SLC18A2: variants seen among roughly 807,000 people sequenced by gnomAD.
SLC18A2 encodes the protein solute carrier family 18 member A2.
A neutral mutation model predicts 59.2 loss-of-function variants in SLC18A2; 33 were observed. The ratio of observed to expected loss-of-function variants is 0.56; its 90% confidence interval spans 0.42 to 0.75. SLC18A2 has a LOEUF of 0.75. Among genes scored for constraint, SLC18A2 ranks in the 30% least tolerant of loss-of-function variants. The pLI is 0.00. For synonymous variants in SLC18A2, 228 were observed against 253.5 expected (o/e 0.90, Z 0.95); for missense variants, 569 against 668.6 (o/e 0.85, Z 1.64).
chr10:117,253,368 A>G, intron 3 of SLC18A2, 31 bp from the exon 4 acceptor site: 2 of 1,565,726 alleles, frequency 1.3e-6, no homozygotes, highest in South Asian at 1.1e-5. Flanking sequence ...GCCTGCAGTC[A>G]CCAGATTTGT....
Position 117,260,864 on chromosome 10 carries a change from T to G in SLC18A2, c.991+2972T>G, listed in dbSNP as rs564243799. The stretch of plus-strand genomic sequence containing the variant: ...GAAACAACTCTGTTAGAGCAGGGCG[T>G]CCTCAGAAAGCACATCTGGACTTTC... On this transcript the variant is annotated intron_variant, in intron 10 of 15. Coordinates refer to ENST00000644641, the MANE Select transcript of SLC18A2 (RefSeq NM_003054.6). Among the ~76,000 whole-genome samples the G allele has an allele frequency of 5.3e-5, 8 of 152,282 alleles. No individual in the cohort carries two copies. In the South Asian group the frequency reaches 1.7e-3, roughly 32 times the overall value.
At chr10:117,263,806 G>A (rs1367647636) in intron 10 of SLC18A2, among the ~76,000 whole-genome samples, 7 of 152,160 alleles carry the variant, frequency 4.6e-5, no homozygotes, top group African/African-American at 1.7e-4. Flanking sequence ...GGTTCTTCTA[G>A]CCCCTTTGTA....
intron 12 of SLC18A2, 133 bp from the exon 13 acceptor site, chr10:117,267,540 C>G (rs2133742377): frequency 1.7e-6 from 1 of 590,838 alleles, no homozygotes; most frequent in South Asian, 3.3e-5. Context: ...CAAACCCCAC[C>G]CTTCTTCCTC....
At chr10:117,252,720 G>A (rs999871269) in intron 3 of SLC18A2, among the ~76,000 whole-genome samples, 7 of 152,168 alleles carry the variant, frequency 4.6e-5, no homozygotes, top group African/African-American at 1.2e-4. Flanking sequence ...GGAGGTGGGC[G>A]GTGGTCTCTC....
Position 117,279,114 on chromosome 10 carries a change from TA to T in SLC18A2, c.*1851del, listed in dbSNP as rs770149063. 4 of 152,218 alleles carry T rather than the reference TA, an allele frequency of 2.6e-5. No individual in the cohort carries two copies. Among genetic ancestry groups the T allele is most frequent in the Non-Finnish European group, 4.4e-5 (3 of 68,028 alleles). 9.4% of individuals were successfully genotyped at this position (152,218 alleles called of 1,614,324 possible). A position where few individuals can be genotyped will look rare whatever the true frequency, so the allele number is the denominator to read the frequency against. ...TGGTCCCTCGGGATAAGATAAAATA[TA>T]AATAAAACCTTCAGAACTGTTTTGG... On this transcript the variant is annotated 3_prime_UTR_variant, in exon 16 of 16. Coordinates refer to ENST00000644641, the MANE Select transcript of SLC18A2 (RefSeq NM_003054.6).
intron 3 of SLC18A2, among the ~76,000 whole-genome samples, chr10:117,244,957 T>G (rs1479110582): frequency 2.6e-5 from 4 of 152,248 alleles, no homozygotes; most frequent in Non-Finnish European, 5.9e-5. Context: ...CCAAACTAGC[T>G]TCAGATGAAT....
chr10:117,252,626 A>G (rs1844177573), intron 3 of SLC18A2, among the ~76,000 whole-genome samples: 1 of 152,172 alleles, frequency 6.6e-6, no homozygotes, highest in Admixed American at 6.5e-5. Flanking sequence ...GAGGGAGGAG[A>G]TGACATTTCT....
rs1334623556 is a variant in SLC18A2, at chr10:117,277,408, G to A, written c.*142G>A. On this transcript the variant is annotated 3_prime_UTR_variant, in exon 16 of 16. Coordinates refer to ENST00000644641, the MANE Select transcript of SLC18A2 (RefSeq NM_003054.6). ...CAAAGGTTATTATTTCCTTTCCATGGTTATGGTCGATTGCCAACAGCCTTA... is the reference window on the plus strand; with the variant it reads ...CAAAGGTTATTATTTCCTTTCCATGATTATGGTCGATTGCCAACAGCCTTA... The A allele has an allele frequency of 2.0e-6, 1 of 496,150 alleles. No homozygotes were observed. Among genetic ancestry groups the A allele is most frequent in the Non-Finnish European group, 3.5e-6 (1 of 285,732 alleles). The allele number at this position is 496,150 out of a possible 1,614,324, so 30.7% of individuals were successfully genotyped here. A position where few individuals can be genotyped will look rare whatever the true frequency, so the allele number is the denominator to read the frequency against.
In SLC18A2 at chr10:117,277,168, C is replaced by T; in HGVS notation, c.1447C>T (p.Leu483Phe). ...GCACTTTGCTCTCTTTTAGGCTATT[C>T]TCATGGATCACAACTGCCCTATTAA... is the stretch of plus-strand genomic sequence containing the variant. Reference protein sequence around the residue: ...PPAKEEKMAILMDHNCPIKTK... With the variant: ...PPAKEEKMAIFMDHNCPIKTK... Residue 483 changes from leucine (L) to phenylalanine (F), a missense_variant, in exon 16 of 16, where the codon CTC (leucine) becomes TTC (phenylalanine). This residue lies in a region of SLC18A2 where 192 missense variants were observed against 278.8 expected (regional missense o/e 0.69). Transcript: ENST00000644641. 1 of 1,584,702 alleles carries T rather than the reference C, an allele frequency of 6.3e-7. No homozygotes were observed. Among genetic ancestry groups the T allele is most frequent in the Non-Finnish European group, 8.7e-7 (1 of 1,155,044 alleles).
intron 3 of SLC18A2, among the ~76,000 whole-genome samples, chr10:117,250,879 G>C (rs1844155798): frequency 6.6e-6 from 1 of 152,228 alleles, no homozygotes; most frequent in Non-Finnish European, 1.5e-5. Context: ...GCCCTGATGG[G>C]TTACCTGGAA....
chr10:117,253,932 G>A, intron 4 of SLC18A2, 116 bp from the exon 5 acceptor site: 1 of 873,488 alleles, frequency 1.1e-6, no homozygotes, highest in East Asian at 2.4e-5. Flanking sequence ...AAAAGCACAG[G>A]GTGGCTAACA....
chr10:117,276,479 TG>T (rs1844492524), intron 15 of SLC18A2, among the ~76,000 whole-genome samples: 1 of 150,830 alleles, frequency 6.6e-6, no homozygotes, highest in Non-Finnish European at 1.5e-5. Context: ...CTGCGAGTGG[TG>T]GTGCACACCT....
Position 117,276,630 on chromosome 10 carries a change from A to AAAAAAAAG in SLC18A2, c.1441-529_1441-528insAAAAGAAA, listed in dbSNP as rs1445853665. 4.3e-3 allele frequency among the ~76,000 whole-genome samples: 96 copies of AAAAAAAAG among 22,280 alleles called. 2 individuals carry two copies. Among genetic ancestry groups the AAAAAAAAG allele is most frequent in the African/African-American group, 9.4e-3 (87 of 9,296 alleles). The allele number at this position is 22,280 out of a possible 152,430, so 14.6% of individuals were successfully genotyped here. A position where few individuals can be genotyped will look rare whatever the true frequency, so the allele number is the denominator to read the frequency against. ...CTTCATCTCAAAAAAAAAAAAAAAA[A>AAAAAAAAG]AAAGAAAGAAAGAAAGAAAGAAAAA... On this transcript the variant is annotated intron_variant, in intron 15 of 15. Transcript: ENST00000644641.
intron 3 of SLC18A2, among the ~76,000 whole-genome samples, chr10:117,246,456 C>T (rs777521195): frequency 6.6e-6 from 1 of 152,210 alleles, no homozygotes; most frequent in Non-Finnish European, 1.5e-5. Flanking sequence ...GTAGCCACAC[C>T]AGGCTCATGT....
intron 3 of SLC18A2, among the ~76,000 whole-genome samples, chr10:117,246,247 A>G (rs1044674481): frequency 6.6e-6 from 1 of 152,274 alleles, no homozygotes; most frequent in Non-Finnish European, 1.5e-5. Flanking sequence ...GTGGAACGTT[A>G]CTAGCCGTAC....
At chr10:117,254,524 C>A in intron 6 of SLC18A2, 27 bp downstream of exon 6, 1 of 1,535,946 alleles carries the variant, frequency 6.5e-7, no homozygotes, top group Non-Finnish European at 8.8e-7. Flanking sequence ...TGTAGGCAAA[C>A]TGGCAAGAGG....
chr10:117,243,334 G>A (rs1589976578), intron 2 of SLC18A2, among the ~76,000 whole-genome samples: 2 of 152,176 alleles, frequency 1.3e-5, no homozygotes, highest in Non-Finnish European at 2.9e-5. Flanking sequence ...AATATTCCTT[G>A]AAGGAACAAT....
chr10:117,244,385 T>C (rs1844089102), intron 3 of SLC18A2, 72 bp downstream of exon 3: 3 of 1,352,834 alleles, frequency 2.2e-6, no homozygotes, highest in Non-Finnish European at 3.0e-6. Context: ...CCTGGAATTC[T>C]GCTTCTTACT....
At chr10:117,276,644 A>AAGAAAGACAGAC (rs148904668) in intron 15 of SLC18A2, among the ~76,000 whole-genome samples, 1 of 132,750 alleles carries the variant, frequency 7.5e-6, no homozygotes, top group African/African-American at 2.8e-5. Flanking sequence ...GAAAGAAAGA[A>AAGAAAGACAGAC]AGAAAGAAAA....
Sources: gnomAD v4.1 joint callset for allele counts (sites outside exome capture counted in the v4.1 genomes callset) on GRCh38, gnomAD v4.1.1 for gene constraint, gnomAD v4.1.1 regional missense constraint, MANE v1.5 for transcripts, NCBI Gene and HGNC (gene_info 2026-07-23, HGNC 2026-07-21) for gene names.